Variants in SLC12A6 observed in about 807,000 individuals in gnomAD.
The protein encoded by SLC12A6 is K-Cl cotransporter 3.
A neutral mutation model predicts 135.3 loss-of-function variants in SLC12A6; 66 were observed. That is an observed-to-expected ratio of 0.49 (90% confidence interval 0.40 to 0.60). The LOEUF (loss-of-function observed/expected upper bound fraction) is 0.60. SLC12A6 is among the 20% of genes least tolerant of loss of function. The probability of loss-of-function intolerance (pLI) is 0.00; values close to 1 mark genes in which losing one functional copy is unlikely to be tolerated. For synonymous variants in SLC12A6, 513 were observed against 508.8 expected, an observed-to-expected ratio of 1.01 and a Z score of -0.11; for missense variants, 1,058 against 1,452.3, an observed-to-expected ratio of 0.73 and a Z score of 4.41.
intron 2 of SLC12A6, among the ~76,000 whole-genome samples, chr15:34,290,648 T>C (rs1399156552): frequency 6.6e-6 from 1 of 152,222 alleles, no homozygotes; most frequent in African/African-American, 2.4e-5. Context: ...GCTTTATGAA[T>C]CTGGGTGCTC....
chr15:34,321,677 C>G (rs939583820), intron 2 of SLC12A6, among the ~76,000 whole-genome samples: 2 of 152,218 alleles, frequency 1.3e-5, no homozygotes, highest in South Asian at 4.2e-4. Flanking sequence ...ATGTTCACAA[C>G]AGTTTATTCA....
rs56833597 is a variant in SLC12A6 at position 34,280,968 on chromosome 15, G to C, written c.272-5579C>G. Among the ~76,000 whole-genome samples the C allele has an allele frequency of 2.1e-3, 319 of 152,150 alleles. 3 individuals are homozygous for C. The highest frequency in any genetic ancestry group is 7.3e-3 in the African/African-American group (303 of 41,506). ...ACCACATGTTCTCATTCATATGTGA[G>C]AGTCAGAAAAAAAAAGTTGATCTCA... is the stretch of plus-strand genomic sequence containing the variant. On this transcript the variant is annotated intron_variant, in intron 2 of 25. Transcript: ENST00000354181.
intron 18 of SLC12A6, 104 bp downstream of exon 18, chr15:34,241,129 C>A: frequency 1.3e-6 from 1 of 741,224 alleles, no homozygotes; most frequent in Non-Finnish European, 2.5e-6. Context: ...GTCCATTATA[C>A]CAATTCCTTG....
chr15:34,265,410 A>C (rs1440673493), intron 3 of SLC12A6, among the ~76,000 whole-genome samples: 1 of 150,668 alleles, frequency 6.6e-6, no homozygotes, highest in Non-Finnish European at 1.5e-5. Context: ...ATTAAAAAAA[A>C]AAAAACAAAC....
intron 2 of SLC12A6, among the ~76,000 whole-genome samples, chr15:34,280,295 G>A (rs1432086984): frequency 6.6e-6 from 1 of 152,124 alleles, no homozygotes; most frequent in African/African-American, 2.4e-5. Flanking sequence ...CACACCAACA[G>A]CAGAAATTGT....
intron 21 of SLC12A6, 44 bp from the exon 22 acceptor site, chr15:34,237,594 C>CA: frequency 1.3e-6 from 2 of 1,556,952 alleles, no homozygotes; most frequent in Non-Finnish European, 1.8e-6. Flanking sequence ...AGCAAGGAGG[C>CA]AAAAAAGGTT....
rs528468626 is a variant in SLC12A6 at position 34,294,287 on chromosome 15, C to T, written c.272-18898G>A. Among the ~76,000 whole-genome samples the T allele has an allele frequency of 2.1e-3, 314 of 152,120 alleles. 1 individual carries two copies. Among genetic ancestry groups the T allele is most frequent in the Non-Finnish European group, 3.7e-3 (252 of 67,982 alleles). On this transcript the variant is annotated intron_variant, in intron 2 of 25. Coordinates refer to ENST00000354181, the MANE Select transcript of SLC12A6 (RefSeq NM_001365088.1). ...TTGCTCTGTCACCCAGGCTGGAGTG[C>T]AGTGGTGTGATCACGGCTCACTGCA...
chr15:34,284,026 G>A (rs2140929456), intron 2 of SLC12A6, among the ~76,000 whole-genome samples: 1 of 152,144 alleles, frequency 6.6e-6, no homozygotes, highest in Non-Finnish European at 1.5e-5. Flanking sequence ...AGGATTACAG[G>A]TGTGAGCCAC....
At chr15:34,336,855 C>T (rs1239292029) in intron 1 of SLC12A6, 103 bp from the exon 2 acceptor site, 2 of 651,514 alleles carry the variant, frequency 3.1e-6, no homozygotes, top group Non-Finnish European at 2.7e-6. Flanking sequence ...GAATTCAAGC[C>T]GACTGTCCTA....
intron 3 of SLC12A6, among the ~76,000 whole-genome samples, chr15:34,269,164 A>T (rs1184541832): frequency 6.6e-6 from 1 of 151,950 alleles, no homozygotes; most frequent in Non-Finnish European, 1.5e-5. Context: ...AGACACTATT[A>T]TGTTTCTTTT....
chr15:34,229,982 C>G lies in SLC12A6; in HGVS notation c.*3899G>C, dbSNP rs539795606. ...TTACGACAAACACAAAGAAACTATA[C>G]CATAACCCAAGGCTGAAAATAATGT... On this transcript the variant is annotated 3_prime_UTR_variant, in exon 26 of 26. Transcript: ENST00000354181. 4.8e-6 allele frequency: 3 copies of G among 619,612 alleles called. No homozygotes were observed. The African/African-American group carries it at 5.6e-5, about 12-fold the overall frequency. 38.4% of individuals were successfully genotyped at this position (619,612 alleles called of 1,614,324 possible).
In SLC12A6 at chr15:34,233,449, TAAG is replaced by T. The variant is rs1240186533; in HGVS notation, c.*429_*431del. On this transcript the variant is annotated 3_prime_UTR_variant, in exon 26 of 26. Coordinates refer to ENST00000354181, the MANE Select transcript of SLC12A6 (RefSeq NM_001365088.1). ...ATATACTTGACCATAAATTCTTTAG[TAAG>T]ATGAAGCTGTCTCTAGTTGTTATCC... is the stretch of plus-strand genomic sequence containing the variant. 3 of 178,242 alleles carry T rather than the reference TAAG, an allele frequency of 1.7e-5. No individual in the cohort carries two copies. Among genetic ancestry groups the T allele is most frequent in the Non-Finnish European group, 3.7e-5 (3 of 82,052 alleles). The allele number at this position is 178,242 out of a possible 1,614,324, so 11.0% of individuals were successfully genotyped here.
intron 2 of SLC12A6, 60 bp downstream of exon 2, chr15:34,336,349 TG>T: frequency 7.9e-7 from 1 of 1,271,578 alleles, no homozygotes; most frequent in Non-Finnish European, 1.2e-6. Flanking sequence ...GATCCATAGA[TG>T]GTCATCTTGG....
At chr15:34,295,788 T>G (rs1895838611) in intron 2 of SLC12A6, among the ~76,000 whole-genome samples, 1 of 152,086 alleles carries the variant, frequency 6.6e-6, no homozygotes, top group East Asian at 1.9e-4. Context: ...CACCTGAAGT[T>G]GGGAGTTCAA....
At chr15:34,316,004 C>T in intron 2 of SLC12A6, among the ~76,000 whole-genome samples, 1 of 152,142 alleles carries the variant, frequency 6.6e-6, no homozygotes, top group East Asian at 1.9e-4. Context: ...TGGTCTGGAA[C>T]TGAGCCCACA....
chr15:34,314,812 C>T (rs1289287084), intron 2 of SLC12A6: 3 of 148,674 alleles, frequency 2.0e-5, no homozygotes, highest in African/African-American at 5.0e-5. Flanking sequence ...CCTACTCCTT[C>T]ACTTGACCAG....
At chr15:34,272,160 G>A (rs558003485) in intron 3 of SLC12A6, among the ~76,000 whole-genome samples, 2 of 152,042 alleles carry the variant, frequency 1.3e-5, no homozygotes, top group South Asian at 4.2e-4. Flanking sequence ...AAGTAGACAT[G>A]GGGTTTCACC....
chr15:34,247,246 G>A lies in SLC12A6; in HGVS notation c.1650-1379C>T, dbSNP rs547117970. Among the ~76,000 whole-genome samples the A allele has an allele frequency of 1.6e-4, 24 of 152,168 alleles. No individual in the cohort carries two copies. The South Asian group carries it at 4.8e-3, about 30-fold the overall frequency. On this transcript the variant is annotated intron_variant, in intron 13 of 25. Transcript: ENST00000354181. ...AAAAGTAGTGTGCAAGGCTGGGTGC[G>A]GTGGCTCACGGCTGTAATCCCAGCA...
intron 24 of SLC12A6, 117 bp from the exon 25 acceptor site, chr15:34,235,431 A>ATTTTTT (rs371322623): frequency 0.044 from 21,536 of 494,580 alleles, 483 homozygotes; most frequent in East Asian, 0.098. Context: ...TGATAAAATG[A>ATTTTTT]TTTTTTTTTT....
Sources: gnomAD v4.1 joint callset for allele counts (sites outside exome capture counted in the v4.1 genomes callset) on GRCh38, gnomAD v4.1.1 for gene constraint, MANE v1.5 for transcripts, NCBI Gene and HGNC (gene_info 2026-07-23, HGNC 2026-07-21) for gene names.